The following SPTBN1 variants were observed in gnomAD, a reference collection of about 807,000 sequenced individuals.
The protein encoded by SPTBN1 is spectrin beta chain, non-erythrocytic 1.
In SPTBN1, 32 loss-of-function variants were observed where a neutral mutation model predicts 266.4. The observed-to-expected ratio is 0.12, with a 90% CI of 0.09 to 0.16. SPTBN1 has a LOEUF of 0.16. Ranked by LOEUF, SPTBN1 falls within the 10% of genes least tolerant of loss-of-function variation. The pLI, the probability that SPTBN1 is intolerant of heterozygous loss-of-function variation, is 1.00. For synonymous variants in SPTBN1, 1,336 were observed against 1,162.2 expected, an observed-to-expected ratio of 1.15 and a Z score of -3.04; for missense variants, 2,296 against 3,067.1, an observed-to-expected ratio of 0.75 and a Z score of 5.94.
chr2:54,631,479 G>C lies in SPTBN1; in HGVS notation c.3432G>C (p.Leu1144=). 1.2e-6 allele frequency: 2 copies of C among 1,614,240 alleles called. No homozygotes were observed. The highest frequency in any genetic ancestry group is 1.7e-6 in the Non-Finnish European group (2 of 1,180,032). Residue 1144 remains leucine (L), a synonymous_variant, in exon 16 of 36, where the codon CTG becomes CTC. Transcript: ENST00000356805. ...DAQYMFLRQR[L]QALDTGWNEL... is the part of the protein sequence containing the mutation. The stretch of plus-strand genomic sequence containing the variant: ...AGTACATGTTTCTGCGGCAGCGGCT[G>C]CAGGCCCTGGACACTGGATGGAACG...
At chr2:54,553,935 T>G (rs1318122454) in intron 2 of SPTBN1, among the ~76,000 whole-genome samples, 3 of 152,170 alleles carry the variant, frequency 2.0e-5, no homozygotes, top group African/African-American at 4.8e-5. Flanking sequence ...CCTTGCCACA[T>G]GCTAAGTCAT....
chr2:54,636,295 C>A (rs1290127274), intron 17 of SPTBN1, among the ~76,000 whole-genome samples: 2 of 152,116 alleles, frequency 1.3e-5, no homozygotes, highest in African/African-American at 2.4e-5. Context: ...TTATTTGTGT[C>A]TAACATATGC....
In SPTBN1 at chr2:54,629,620, A is replaced by G. The variant is rs1311053547; in HGVS notation, c.2486A>G (p.Glu829Gly). Residue 829 changes from glutamate to glycine, a missense_variant, in exon 14 of 36, where the codon GAG becomes GGG. By Grantham distance (98) the Glu-to-Gly change is moderately conservative. This residue lies in a region of SPTBN1 where 434 missense variants were observed against 573.9 expected (regional missense o/e 0.76). Coordinates refer to ENST00000356805, the MANE Select transcript of SPTBN1 (RefSeq NM_003128.3). The part of the protein sequence containing the change: ...DVRGRLSGIE[E>G]RYKEVAELTR... ...AGGGGCAGGCTGTCGGGCATCGAGG[A>G]GCGGTATAAGGAGGTGGCAGAGCTG... 1 of 1,613,886 alleles carries G rather than the reference A, an allele frequency of 6.2e-7. No individual in the cohort carries two copies. Among genetic ancestry groups the G allele is most frequent in the Non-Finnish European group, 8.5e-7 (1 of 1,179,988 alleles).
In SPTBN1 at chr2:54,668,875, C is replaced by T; in HGVS notation, c.*306C>T. Reference sequence around the variant, plus strand: ...TGAGGCTGTGTTGGAAATAACCCGCCTCTAGTGCTGTTGGTATGCAAGGCA... The same window carrying T: ...TGAGGCTGTGTTGGAAATAACCCGCTTCTAGTGCTGTTGGTATGCAAGGCA... On this transcript the variant is annotated 3_prime_UTR_variant, in exon 36 of 36. Transcript: ENST00000356805. 1.6e-5 allele frequency: 5 copies of T among 320,280 alleles called. No homozygotes were observed. Among genetic ancestry groups the T allele is most frequent in the South Asian group, 1.5e-4 (5 of 32,574 alleles). The allele number at this position is 320,280 out of a possible 1,614,324, so 19.8% of individuals were successfully genotyped here.
chr2:54,523,117 A>T (rs1283888252), intron 1 of SPTBN1, among the ~76,000 whole-genome samples: 1 of 152,240 alleles, frequency 6.6e-6, no homozygotes, highest in East Asian at 1.9e-4. Context: ...AGATGATTGC[A>T]TGACATTATT....
At position 54,581,261 on chromosome 2, in the gene SPTBN1, A is replaced by G. The variant is rs555519894; in HGVS notation, c.149-17831A>G. Among the ~76,000 whole-genome samples, 16 of 152,324 alleles carry G rather than the reference A, an allele frequency of 1.1e-4. No individual in the cohort carries two copies. The South Asian group carries it at 3.1e-3, about 30-fold the overall frequency. The stretch of plus-strand genomic sequence containing the variant: ...TAATACAAGTGTAGAATGGACAACA[A>G]AGGGGTTGTGCATAATCATCAAGTA... On this transcript the variant is annotated intron_variant, in intron 2 of 35. Transcript: ENST00000356805.
At chr2:54,562,368 A>C (rs1159199591) in intron 2 of SPTBN1, among the ~76,000 whole-genome samples, 1 of 151,618 alleles carries the variant, frequency 6.6e-6, no homozygotes, top group Non-Finnish European at 1.5e-5. Flanking sequence ...AAATGGCCCC[A>C]CTCCACTTAC....
At chr2:54,534,458 A>G (rs1206360352) in intron 2 of SPTBN1, among the ~76,000 whole-genome samples, 1 of 152,206 alleles carries the variant, frequency 6.6e-6, no homozygotes. Context: ...AGAGCATTTT[A>G]TATCCAAGTT....
At chr2:54,577,529 G>A (rs1674575063) in intron 2 of SPTBN1, among the ~76,000 whole-genome samples, 1 of 152,214 alleles carries the variant, frequency 6.6e-6, no homozygotes, top group Non-Finnish European at 1.5e-5. Flanking sequence ...CCCTGTATTG[G>A]TGGTGGTACT....
intron 3 of SPTBN1, among the ~76,000 whole-genome samples, chr2:54,609,665 C>T (rs1677084739): frequency 6.6e-6 from 1 of 152,050 alleles, no homozygotes; most frequent in Admixed American, 6.5e-5. Context: ...GGCCAGTAGA[C>T]CATGTCAGTG....
intron 3 of SPTBN1, among the ~76,000 whole-genome samples, chr2:54,600,950 A>G (rs972783173): frequency 1.3e-5 from 2 of 152,140 alleles, no homozygotes; most frequent in African/African-American, 4.8e-5. Context: ...TAATGTCCAC[A>G]TCATAAATGG....
intron 10 of SPTBN1, 75 bp from the exon 11 acceptor site, chr2:54,624,729 G>T: frequency 6.3e-7 from 1 of 1,585,490 alleles, no homozygotes; most frequent in South Asian, 1.1e-5. Flanking sequence ...ATTAGCTGTT[G>T]ACTGTAACCA....
At position 54,631,642 on chromosome 2, in the gene SPTBN1, C is replaced by T. The variant is rs370226046; in HGVS notation, c.3564+31C>T. On this transcript the variant is annotated intron_variant, in intron 16 of 35. Coordinates refer to ENST00000356805, the MANE Select transcript of SPTBN1 (RefSeq NM_003128.3). ...GTTTGTTCCTGCCTTTGCTTCCTTT[C>T]GGTGAAAGCAGCCCTGGCTGCCTTT... 97 of 1,588,304 alleles carry T rather than the reference C, an allele frequency of 6.1e-5. No homozygotes were observed. In the Middle Eastern group the frequency reaches 1.0e-3, roughly 16 times the overall value.
intron 27 of SPTBN1, 125 bp from the exon 28 acceptor site, chr2:54,654,945 A>G (rs1264400405): frequency 1.6e-6 from 2 of 1,288,498 alleles, no homozygotes; most frequent in Non-Finnish European, 2.1e-6. Context: ...AGTGATTCAG[A>G]CCTGAAAGAC....
At chr2:54,611,455 T>C (rs1677206027) in intron 3 of SPTBN1, among the ~76,000 whole-genome samples, 1 of 152,020 alleles carries the variant, frequency 6.6e-6, no homozygotes. Context: ...TATACACATA[T>C]GCATTATCTA....
At chr2:54,508,743 G>A (rs1292147019) in intron 1 of SPTBN1, among the ~76,000 whole-genome samples, 3 of 152,186 alleles carry the variant, frequency 2.0e-5, no homozygotes, top group African/African-American at 7.2e-5. Flanking sequence ...AAGTTGGAAC[G>A]CTAGCTGCTT....
intron 2 of SPTBN1, chr2:54,527,623 C>T (rs1670899994): frequency 1.3e-5 from 2 of 152,230 alleles, no homozygotes; most frequent in African/African-American, 4.8e-5. Context: ...TTTCTCTCTA[C>T]TCTGGCTTTA....
chr2:54,541,057 G>A (rs1671905060), intron 2 of SPTBN1, among the ~76,000 whole-genome samples: 1 of 152,196 alleles, frequency 6.6e-6, no homozygotes, highest in Admixed American at 6.5e-5. Context: ...GCCACTAGCA[G>A]CATGTTATTT....
chr2:54,617,574 G>A (rs370059946), intron 5 of SPTBN1, 34 bp from the exon 6 acceptor site: 2 of 1,605,324 alleles, frequency 1.2e-6, no homozygotes, highest in Non-Finnish European at 1.7e-6. Flanking sequence ...TGTGGTAATT[G>A]TGTTGCTTTT....
Sources: allele counts gnomAD v4.1 joint callset (sites outside exome capture counted in the v4.1 genomes callset), GRCh38; gene constraint gnomAD v4.1.1; regional missense constraint gnomAD v4.1.1; transcripts MANE v1.5; gene names NCBI Gene and HGNC (gene_info 2026-07-23, HGNC 2026-07-21).